Variants in DOK1 observed in about 807,000 individuals in gnomAD.
The protein encoded by DOK1 is docking protein 1, also known as Downstream of tyrosine kinase 1.
In DOK1, 12 loss-of-function variants were observed where a neutral mutation model predicts 24.0. The observed-to-expected ratio is 0.50, with a 90% CI of 0.32 to 0.81. The LOEUF is 0.81. Ranked by LOEUF, DOK1 falls within the 30% of genes least tolerant of loss-of-function variation. The pLI is 0.03. For synonymous variants in DOK1, 250 were observed against 260.9 expected, an observed-to-expected ratio of 0.96 and a Z score of 0.40; for missense variants, 591 against 620.7, an observed-to-expected ratio of 0.95 and a Z score of 0.51.
At chr2:74,552,903 G>C (rs1374555205), upstream of DOK1, 3 of 438,722 alleles carry the variant, frequency 6.8e-6, no homozygotes, top group Admixed American at 1.2e-4. Flanking sequence ...TCGAGAGTCA[G>C]AGAAGGGTCA....
At chr2:74,554,431 T>G (rs544461925), upstream of DOK1, 3 of 408,456 alleles carry the variant, frequency 7.3e-6, no homozygotes, top group Admixed American at 4.1e-5. This position sits in a 1 kb window ranked among gnomAD's most constrained non-coding sequence, Gnocchi z 4.9. Context: ...TGGCTTTCAC[T>G]CTGACGTCAC....
Position 74,549,353 on chromosome 2 carries a change from G to T in DOK1, c.-358+181G>T. ...CCAATCCCGGCCTGCTCCGCCCGGC[G>T]CCCGCGGCCCCTCACCTGTAGAAGG... On this transcript the variant is annotated intron_variant, in intron 1 of 4. Coordinates refer to the DOK1 transcript ENST00000409429. This position sits in a 1 kb window ranked among gnomAD's most constrained non-coding sequence, Gnocchi z 5.3. The T allele has an allele frequency of 6.4e-7, 1 of 1,556,740 alleles. No homozygotes were observed. Among genetic ancestry groups the T allele is most frequent in the South Asian group, 1.2e-5 (1 of 85,416 alleles).
Position 74,555,520 on chromosome 2 carries a change from C to T in DOK1, c.361-55C>T. The T allele has an allele frequency of 3.7e-6, 6 of 1,612,764 alleles. No homozygotes were observed. Among genetic ancestry groups the T allele is most frequent in the Non-Finnish European group, 5.1e-6 (6 of 1,179,592 alleles). ...GCAGAGAAATGGGGCTGCCTCAGAC[C>T]GACCCCCGCTCCCCGCTGAGGAAAT... On this transcript the variant is annotated intron_variant, in intron 2 of 4. Coordinates refer to ENST00000233668, the MANE Select transcript of DOK1 (RefSeq NM_001381.5). The surrounding 1 kb of genome is among the most constrained non-coding windows in gnomAD (Gnocchi z 6.1).
upstream of DOK1, among the ~76,000 whole-genome samples, chr2:74,553,661 G>C (rs112964109): frequency 1.3e-5 from 2 of 152,154 alleles, no homozygotes; most frequent in Admixed American, 6.5e-5. Flanking sequence ...CCTCCCTTAG[G>C]GCGCTCCTGG....
In DOK1 at chr2:74,555,966, T is replaced by G. The variant is rs758232424; in HGVS notation, c.527T>G (p.Leu176Arg). The change falls in exon 4 of 5, where the codon CTG becomes CGG. Residue 176 changes from leucine to arginine, a missense_variant. Physicochemically the swap from Leu to Arg is moderately radical, Grantham distance 102. Transcript: ENST00000233668. The surrounding 1 kb of genome is among the most constrained non-coding windows in gnomAD (Gnocchi z 6.1). ...ERCGLHGSYV[L>R]RVEAERLTLL... The stretch of plus-strand genomic sequence containing the variant: ...TGTGGCCTGCATGGCTCCTACGTGC[T>G]GAGGGTGGAGGCTGAAAGGCTGACT... 1 of 1,613,924 alleles carries G rather than the reference T, an allele frequency of 6.2e-7. No individual in the cohort carries two copies. The highest frequency in any genetic ancestry group is 1.1e-5 in the South Asian group (1 of 91,066).
chr2:74,554,689 C>G (rs1398995596), upstream of DOK1: 5 of 1,536,224 alleles, frequency 3.3e-6, no homozygotes, highest in African/African-American at 6.8e-5. The surrounding 1 kb of genome is among the most constrained non-coding windows in gnomAD (Gnocchi z 4.9). Context: ...CCAGGGAACC[C>G]GGCCCCGCCT....
At chr2:74,552,835 G>A (rs1250697393), upstream of DOK1, 18 of 585,510 alleles carry the variant, frequency 3.1e-5, no homozygotes, top group Non-Finnish European at 5.4e-5. Flanking sequence ...AAGGGCTGAG[G>A]CACAGGTCAT....
At chr2:74,552,678 A>G, upstream of DOK1, 1 of 1,473,768 alleles carries the variant, frequency 6.8e-7, no homozygotes, top group Non-Finnish European at 9.1e-7. Flanking sequence ...TGTGCGTGAG[A>G]GAAACAGATT....
At position 74,556,009 on chromosome 2, in the gene DOK1, CCAGAGT is replaced by C; in HGVS notation, c.575_580del (p.Ser192_Gln193del). 6.2e-7 allele frequency: 1 copy of C among 1,613,666 alleles called. No homozygotes were observed. The highest frequency in any genetic ancestry group is 8.5e-7 in the Non-Finnish European group (1 of 1,179,792). ...GGCTGACTCTCCTGACCGTGGGGGCCCAGAGTCAGATACTGGAGCCACTCCTGTCCT... is the reference window on the plus strand; with the variant it reads ...GGCTGACTCTCCTGACCGTGGGGGCCCAGATACTGGAGCCACTCCTGTCCT... On this transcript the variant is annotated inframe_deletion, in exon 4 of 5. Coordinates refer to ENST00000233668, the MANE Select transcript of DOK1 (RefSeq NM_001381.5). The surrounding 1 kb of genome is among the most constrained non-coding windows in gnomAD (Gnocchi z 4.1).
chr2:74,557,113 G>C lies in DOK1; in HGVS notation c.1445G>C (p.Ter482SerextTer6). The change falls in exon 5 of 5, where the codon TGA (stop) becomes TCA (serine). Residue 482 changes from the stop codon to serine, a stop_lost. Coordinates refer to ENST00000233668, the MANE Select transcript of DOK1 (RefSeq NM_001381.5). ...KTGVKSEGST[*>S] ...GGGGTCAAGTCAGAGGGCTCTACCT[G>C]AGAAGGACGGCAAGGCTGAGGTGGC... 6.2e-7 allele frequency: 1 copy of C among 1,602,084 alleles called. No individual in the cohort carries two copies. Among genetic ancestry groups the C allele is most frequent in the Non-Finnish European group, 8.5e-7 (1 of 1,171,478 alleles).
rs934234883 is a variant in DOK1 at position 74,549,560 on chromosome 2, C to G, written c.-358+388C>G. ...CAACGGCGGGTCGAATTCGCACCTC[C>G]TCCACTTGCAGGTGATGCTCTACCT... On this transcript the variant is annotated intron_variant, in intron 1 of 4. Transcript: ENST00000409429. This position sits in a 1 kb window ranked among gnomAD's most constrained non-coding sequence, Gnocchi z 5.3. 11 of 1,610,768 alleles carry G rather than the reference C, an allele frequency of 6.8e-6. No homozygotes were observed. The highest frequency in any genetic ancestry group is 1.6e-4 in the Middle Eastern group (1 of 6,078).
rs1677345142 is a variant in DOK1 at position 74,555,198 on chromosome 2, C to G, written c.105C>G (p.His35Gln). ...CCGTGCTCTACCCGGCCAGTCCCCA[C>G]GGCGTAGCGCGGCTCGAGTTCTTTG... ...TWAVLYPASP[H>Q]GVARLEFFDH... The change falls in exon 2 of 5, where the codon CAC becomes CAG. Residue 35 changes from histidine to glutamine, a missense_variant. His to Gln is a conservative substitution (Grantham distance 24, BLOSUM62 0). Transcript: ENST00000233668. This position sits in a 1 kb window ranked among gnomAD's most constrained non-coding sequence, Gnocchi z 6.1. The G allele has an allele frequency of 3.1e-6, 5 of 1,613,516 alleles. No individual in the cohort carries two copies. Among genetic ancestry groups the G allele is most frequent in the African/African-American group, 1.3e-5 (1 of 75,060 alleles).
At chr2:74,552,222 G>T (rs1677058297), upstream of DOK1, 2 of 1,058,430 alleles carry the variant, frequency 1.9e-6, no homozygotes, top group Non-Finnish European at 1.4e-6. Flanking sequence ...GCTGTTCTTG[G>T]TGTCGTGTGT....
At position 74,556,734 on chromosome 2, in the gene DOK1, C is replaced by T. The variant is rs566226106; in HGVS notation, c.1066C>T (p.Pro356Ser). The T allele has an allele frequency of 3.1e-6, 5 of 1,614,184 alleles. No homozygotes were observed. In the South Asian group the frequency reaches 5.5e-5, roughly 18 times the overall value. The change falls in exon 5 of 5, where the codon CCC (proline) becomes TCC (serine). Residue 356 changes from proline to serine, a missense_variant. Physicochemically the swap from Pro to Ser is moderately conservative, Grantham distance 74. Coordinates refer to ENST00000233668, the MANE Select transcript of DOK1 (RefSeq NM_001381.5). This position sits in a 1 kb window ranked among gnomAD's most constrained non-coding sequence, Gnocchi z 4.1. Reference sequence around the variant, plus strand: ...GTTGCTGAAGGCCAAGCTGACAGACCCCAAAGAGGATCCCATCTATGATGA... The same window carrying T: ...GTTGCTGAAGGCCAAGCTGACAGACTCCAAAGAGGATCCCATCTATGATGA... ...QQLLKAKLTDPKEDPIYDEPE... is the reference protein window; with the variant it reads ...QQLLKAKLTDSKEDPIYDEPE...
chr2:74,554,424 C>G, upstream of DOK1: 1 of 383,034 alleles, frequency 2.6e-6, no homozygotes. This position sits in a 1 kb window ranked among gnomAD's most constrained non-coding sequence, Gnocchi z 4.9. Context: ...GATGTCATGG[C>G]TTTCACTCTG....
chr2:74,552,717 G>A, upstream of DOK1: 1 of 1,323,792 alleles, frequency 7.6e-7, no homozygotes, highest in Non-Finnish European at 1.0e-6. Context: ...GAAAGAGAGG[G>A]AGAAGTCACG....
rs749724753 is a variant in DOK1 at position 74,549,619 on chromosome 2, G to C, written c.-358+447G>C. ...GGCCACAAGCAGGGAAAGAATCCCAGTGGCACCTTTCATGTGTCCCGCCGC... is the reference window on the plus strand; with the variant it reads ...GGCCACAAGCAGGGAAAGAATCCCACTGGCACCTTTCATGTGTCCCGCCGC... On this transcript the variant is annotated intron_variant, in intron 1 of 4. Transcript: ENST00000409429. This position sits in a 1 kb window ranked among gnomAD's most constrained non-coding sequence, Gnocchi z 5.3. 3.2e-6 allele frequency: 5 copies of C among 1,581,924 alleles called. No homozygotes were observed. The South Asian group carries it at 4.6e-5, about 14-fold the overall frequency.
upstream of DOK1, among the ~76,000 whole-genome samples, chr2:74,551,594 G>C (rs1349171660): frequency 6.6e-6 from 1 of 152,244 alleles, no homozygotes; most frequent in East Asian, 1.9e-4. Context: ...CTTGGCTTCT[G>C]AATCTTTCAC....
rs772103250 is a variant in DOK1, at chr2:74,549,515, C to G, written c.-358+343C>G. 3 of 1,613,514 alleles carry G rather than the reference C, an allele frequency of 1.9e-6. No individual in the cohort carries two copies. The highest frequency in any genetic ancestry group is 1.7e-6 in the Non-Finnish European group (2 of 1,179,772). On this transcript the variant is annotated intron_variant, in intron 1 of 4. Transcript: ENST00000409429. This position sits in a 1 kb window ranked among gnomAD's most constrained non-coding sequence, Gnocchi z 5.3. ...CTTCCACCAGCCCCTCCGTCACGGG[C>G]AGGGGTCGTCTGCCCCACCCAACGG... is the stretch of plus-strand genomic sequence containing the variant.
Sources: gnomAD v4.1 joint callset for allele counts (sites outside exome capture counted in the v4.1 genomes callset) on GRCh38, gnomAD v4.1.1 for gene constraint, Gnocchi (gnomAD v3.1) non-coding constraint, MANE v1.5 for transcripts, NCBI Gene and HGNC (gene_info 2026-07-23, HGNC 2026-07-21) for gene names.